Variants in MYBPC1 observed in about 807,000 individuals in gnomAD.
The protein encoded by MYBPC1 is myosin binding protein C1, also known as myosin-binding protein C, slow-type.
In MYBPC1, 52 loss-of-function variants were observed where a neutral mutation model predicts 147.1. The ratio of observed to expected loss-of-function variants is 0.35; its 90% CI spans 0.28 to 0.45. The LOEUF is 0.45. Among genes scored for constraint, MYBPC1 ranks in the 20% least tolerant of loss-of-function variants. The pLI, the probability that MYBPC1 is intolerant of heterozygous loss-of-function variation, is 1.00. For synonymous variants in MYBPC1, 477 were observed against 475.9 expected (o/e 1.00, Z -0.03); for missense variants, 1,228 against 1,440.3 (o/e 0.85, Z 2.39).
chr12:101,636,107 G>A (rs909723075), intron 9 of MYBPC1, among the ~76,000 whole-genome samples: 1 of 152,110 alleles, frequency 6.6e-6, no homozygotes, highest in Non-Finnish European at 1.5e-5. Flanking sequence ...AGAAAGGAAT[G>A]CATCTTTTAA....
At chr12:101,657,482 A>C (rs1192766763) in intron 18 of MYBPC1, among the ~76,000 whole-genome samples, 1 of 152,226 alleles carries the variant, frequency 6.6e-6, no homozygotes, top group Non-Finnish European at 1.5e-5. Context: ...AGAAGAGTCA[A>C]GGCTAATTAA....
At chr12:101,690,596 T>C (rs921238219), downstream of MYBPC1, among the ~76,000 whole-genome samples, 1 of 152,128 alleles carries the variant, frequency 6.6e-6, no homozygotes, top group Admixed American at 6.6e-5. Context: ...CAGAAAAAGA[T>C]TATAAATAAA....
chr12:101,661,896 C>CAAAAA (rs66873575), intron 20 of MYBPC1, among the ~76,000 whole-genome samples: 51 of 82,778 alleles, frequency 6.2e-4, no homozygotes, highest in East Asian at 1.4e-3. Context: ...GACTCTGTCT[C>CAAAAA]AAAAAAAAAA....
intron 10 of MYBPC1, among the ~76,000 whole-genome samples, chr12:101,641,500 C>T (rs2136173354): frequency 6.6e-6 from 1 of 152,162 alleles, no homozygotes; most frequent in East Asian, 1.9e-4. Context: ...AATCTTAAAT[C>T]TTATTTTTAA....
At chr12:101,643,946 A>T (rs1466981890) in intron 11 of MYBPC1, among the ~76,000 whole-genome samples, 1 of 152,232 alleles carries the variant, frequency 6.6e-6, no homozygotes, top group African/African-American at 2.4e-5. Context: ...TTCTGTGGTT[A>T]AAAAACCATC....
At chr12:101,641,080 C>A (rs894280995) in intron 10 of MYBPC1, among the ~76,000 whole-genome samples, 2 of 149,144 alleles carry the variant, frequency 1.3e-5, no homozygotes, top group Non-Finnish European at 3.0e-5. Flanking sequence ...CCACTTCACT[C>A]CAACCTGGGC....
At position 101,685,656 on chromosome 12, in the gene MYBPC1, C is replaced by T. The variant is rs1951310453; in HGVS notation, c.*94C>T. 4.6e-6 allele frequency: 7 copies of T among 1,531,106 alleles called. No individual in the cohort carries two copies. The highest frequency in any genetic ancestry group is 6.1e-6 in the Non-Finnish European group (7 of 1,142,598). 94.8% of individuals were successfully genotyped at this position (1,531,106 alleles called of 1,614,324 possible). A position where few individuals can be genotyped will look rare whatever the true frequency, so the allele number is the denominator to read the frequency against. On this transcript the variant is annotated 3_prime_UTR_variant, in exon 32 of 32. Coordinates refer to ENST00000361466, the MANE Select transcript of MYBPC1 (RefSeq NM_002465.4). ...AATTGATTCGTATCTGCGAGACTTA[C>T]ACTCAAGCAATCCTGAGGAATACTG...
chr12:101,632,031 T>C lies in MYBPC1; in HGVS notation c.449T>C (p.Phe150Ser), dbSNP rs779601125. The C allele has an allele frequency of 6.2e-7, 1 of 1,611,314 alleles. No homozygotes were observed. Among genetic ancestry groups the C allele is most frequent in the Admixed American group, 1.7e-5 (1 of 60,022 alleles). ...TGCATTTCATTGCAGGTGTACACAT[T>C]TGAGATGCAGATCATCAAGGCCAAA... is the stretch of plus-strand genomic sequence containing the variant. ...TFERHSRVYT[F>S]EMQIIKAKDN... Residue 150 changes from phenylalanine (F) to serine (S), a missense_variant, in exon 8 of 32, where the codon TTT becomes TCT. Physicochemically the swap from Phe to Ser is radical, Grantham distance 155 (BLOSUM62 -2). This residue lies in a region of MYBPC1 where 1,077 missense variants were observed against 1,314.2 expected (regional missense o/e 0.82). Transcript: ENST00000361466.
Position 101,671,156 on chromosome 12 carries a change from G to A in MYBPC1, c.2613+747G>A, listed in dbSNP as rs550976377. ...CATGTGGCTGTTGAGCACTTGAAACGTGTAACTAGGAACTAGTGTGACTGG... is the reference window on the plus strand; with the variant it reads ...CATGTGGCTGTTGAGCACTTGAAACATGTAACTAGGAACTAGTGTGACTGG... On this transcript the variant is annotated intron_variant, in intron 24 of 31. Coordinates refer to ENST00000361466, the MANE Select transcript of MYBPC1 (RefSeq NM_002465.4). Among the ~76,000 whole-genome samples the A allele has an allele frequency of 9.2e-5, 14 of 152,254 alleles. No homozygotes were observed. In the East Asian group the frequency reaches 1.2e-3, roughly 13 times the overall value.
chr12:101,600,295 T>C (rs1055508791), intron 1 of MYBPC1: 2 of 151,932 alleles, frequency 1.3e-5, no homozygotes, highest in Non-Finnish European at 2.9e-5. Context: ...GACACAGCCT[T>C]GAAACTTTTT....
rs71094514 is a variant in MYBPC1, at chr12:101,668,015, GTTAATGCT to G, written c.2524+126_2524+133del. The G allele has an allele frequency of 0.85, 914,750 of 1,082,094 alleles. 392,997 individuals are homozygous for G. The highest frequency in any genetic ancestry group is 0.99 in the East Asian group (38,242 of 38,436). 67.0% of individuals were successfully genotyped at this position (1,082,094 alleles called of 1,614,324 possible). ...TTTGTTGTTACTCCTTTGATATTTT[GTTAATGCT>G]TTAATGCTTCCTAAGAGTTAGAACT... is the stretch of plus-strand genomic sequence containing the variant. On this transcript the variant is annotated intron_variant, in intron 23 of 31. Coordinates refer to ENST00000361466, the MANE Select transcript of MYBPC1 (RefSeq NM_002465.4).
At position 101,663,462 on chromosome 12, in the gene MYBPC1, C is replaced by G. The variant is rs937046624; in HGVS notation, c.2258C>G (p.Ser753Cys). 5 of 1,613,922 alleles carry G rather than the reference C, an allele frequency of 3.1e-6. No individual in the cohort carries two copies. Among genetic ancestry groups the G allele is most frequent in the Non-Finnish European group, 2.5e-6 (3 of 1,179,922 alleles). The change falls in exon 22 of 32, where the codon TCT becomes TGT. Residue 753 changes from serine (S) to cysteine (C), a missense_variant. Ser to Cys is a moderately radical substitution (Grantham distance 112). Transcript: ENST00000361466. ...TSPPTLLTVDSVTDTTVTMRW... is the reference protein window; with the variant it reads ...TSPPTLLTVDCVTDTTVTMRW... Reference sequence around the variant, plus strand: ...CCTCCTACTCTTCTGACTGTGGACTCTGTCACTGACACGACTGTCACGATG... The same window carrying G: ...CCTCCTACTCTTCTGACTGTGGACTGTGTCACTGACACGACTGTCACGATG...
At chr12:101,629,141 G>A in intron 5 of MYBPC1, 1 of 404,026 alleles carries the variant, frequency 2.5e-6, no homozygotes, top group African/African-American at 2.1e-5. Flanking sequence ...AGATGGGGAA[G>A]CAAAGGAATT....
At chr12:101,597,492 C>A (rs938250029) in intron 1 of MYBPC1, among the ~76,000 whole-genome samples, 22 of 152,196 alleles carry the variant, frequency 1.4e-4, no homozygotes, top group African/African-American at 5.3e-4. Context: ...TACTTCCCAG[C>A]CTACCGTGGC....
Position 101,639,069 on chromosome 12 carries a change from C to A in MYBPC1, c.665+2341C>A, listed in dbSNP as rs970165903. Among the ~76,000 whole-genome samples, 39 of 152,150 alleles carry A rather than the reference C, an allele frequency of 2.6e-4. 1 individual carries two copies. Among genetic ancestry groups the A allele is most frequent in the Non-Finnish European group, 1.0e-4 (7 of 68,034 alleles). Reference sequence around the variant, plus strand: ...CCAACATCTCTGTACAACGAAAGATCTTCCTGCTCTGAACAAAGCCAGCTT... The same window carrying A: ...CCAACATCTCTGTACAACGAAAGATATTCCTGCTCTGAACAAAGCCAGCTT... On this transcript the variant is annotated intron_variant, in intron 10 of 31. Coordinates refer to ENST00000361466, the MANE Select transcript of MYBPC1 (RefSeq NM_002465.4).
At chr12:101,632,692 G>A (rs1261121239) in intron 8 of MYBPC1, among the ~76,000 whole-genome samples, 3 of 152,312 alleles carry the variant, frequency 2.0e-5, no homozygotes, top group South Asian at 2.1e-4. Context: ...TAAGGTGAAT[G>A]TAAAGTGTGA....
intron 24 of MYBPC1, 53 bp downstream of exon 24, chr12:101,670,462 G>A (rs1898407556): frequency 2.1e-6 from 3 of 1,433,338 alleles, no homozygotes; most frequent in African/African-American, 2.8e-5. Context: ...ATTAGTTTAG[G>A]AAGTGGGAAG....
intron 1 of MYBPC1, among the ~76,000 whole-genome samples, chr12:101,596,678 T>C (rs1877372419): frequency 6.6e-6 from 1 of 152,274 alleles, no homozygotes; most frequent in African/African-American, 2.4e-5. Context: ...AGTTTACTTT[T>C]CATTTGACAA....
intron 1 of MYBPC1, among the ~76,000 whole-genome samples, chr12:101,611,036 G>C (rs550345943): frequency 6.6e-6 from 1 of 152,318 alleles, no homozygotes; most frequent in Non-Finnish European, 1.5e-5. Flanking sequence ...ACATGCAGTG[G>C]GTTCTAATAA....
Sources: gnomAD v4.1 joint callset for allele counts (sites outside exome capture counted in the v4.1 genomes callset) on GRCh38, gnomAD v4.1.1 for gene constraint, gnomAD v4.1.1 regional missense constraint, MANE v1.5 for transcripts, NCBI Gene and HGNC (gene_info 2026-07-23, HGNC 2026-07-21) for gene names.